PTPRG: variants seen among roughly 807,000 people sequenced by gnomAD.
The protein encoded by PTPRG is protein tyrosine phosphatase receptor type G, also known as receptor-type tyrosine-protein phosphatase gamma.
PTPRG carries 102 observed loss-of-function variants against 165.3 expected under a neutral mutation model. The ratio of observed to expected loss-of-function variants is 0.62; its 90% CI spans 0.53 to 0.73. The LOEUF (loss-of-function observed/expected upper bound fraction) is 0.73. PTPRG is among the 30% of genes least tolerant of loss of function. The pLI, the probability that PTPRG is intolerant of heterozygous loss-of-function variation, is 0.00. For missense variants in PTPRG, 1,866 were observed against 1,861.4 expected, an observed-to-expected ratio of 1.00 and a Z score of -0.05; for synonymous variants, 675 against 669.5, an observed-to-expected ratio of 1.01 and a Z score of -0.13.
chr3:62,054,876 A>G (rs150250890), intron 4 of PTPRG, among the ~76,000 whole-genome samples: 33 of 152,354 alleles, frequency 2.2e-4, no homozygotes, highest in African/African-American at 7.5e-4. Flanking sequence ...TGGACGAGGT[A>G]TAAAGATGAA....
intron 2 of PTPRG, among the ~76,000 whole-genome samples, chr3:61,946,275 A>G (rs924391788): frequency 1.3e-5 from 2 of 152,204 alleles, no homozygotes; most frequent in East Asian, 1.9e-4. Flanking sequence ...TCTGACAGCA[A>G]CTCTACAATT....
intron 1 of PTPRG, among the ~76,000 whole-genome samples, chr3:61,732,117 T>C (rs977498731): frequency 1.3e-5 from 2 of 152,164 alleles, no homozygotes; most frequent in Admixed American, 1.3e-4. Flanking sequence ...ATAGGGACTT[T>C]TAAATTTTGT....
intron 1 of PTPRG, among the ~76,000 whole-genome samples, chr3:61,694,018 A>AG: frequency 6.8e-6 from 1 of 146,548 alleles, no homozygotes; most frequent in East Asian, 2.0e-4. Context: ...CAAAAAAAAA[A>AG]AAAAAAAAGA....
chr3:61,981,705 C>T (rs1435459998), intron 2 of PTPRG, among the ~76,000 whole-genome samples: 2 of 152,126 alleles, frequency 1.3e-5, no homozygotes, highest in Admixed American at 6.5e-5. Context: ...TTGATTCTTC[C>T]AGGTATTACA....
At chr3:62,262,381 C>CT (rs1441213060) in intron 16 of PTPRG, 1 of 153,322 alleles carries the variant, frequency 6.5e-6, no homozygotes, top group African/African-American at 2.4e-5. Flanking sequence ...CCCTTTCTTC[C>CT]TTTAAGACTT....
intron 1 of PTPRG, among the ~76,000 whole-genome samples, chr3:61,581,523 C>G (rs1218336554): frequency 6.6e-6 from 1 of 151,952 alleles, no homozygotes; most frequent in African/African-American, 2.4e-5. Flanking sequence ...GTTTGTGCTT[C>G]TCAGTTTTAG....
At chr3:61,825,993 G>C (rs986101765) in intron 2 of PTPRG, among the ~76,000 whole-genome samples, 3 of 152,140 alleles carry the variant, frequency 2.0e-5, no homozygotes, top group African/African-American at 7.2e-5. Flanking sequence ...AACAATTTTG[G>C]AAGATTCATG....
chr3:62,036,214 G>C (rs1699931179), intron 4 of PTPRG, among the ~76,000 whole-genome samples: 2 of 152,166 alleles, frequency 1.3e-5, no homozygotes, highest in Admixed American at 6.5e-5. Context: ...TGGGGGTTGT[G>C]GGTTACAGCT....
intron 5 of PTPRG, among the ~76,000 whole-genome samples, chr3:62,087,026 A>C (rs1337822546): frequency 6.6e-6 from 1 of 152,232 alleles, no homozygotes; most frequent in Non-Finnish European, 1.5e-5. Context: ...ATTGCACTTC[A>C]AGGACGTTAC....
chr3:61,977,138 C>G (rs969670247), intron 2 of PTPRG, among the ~76,000 whole-genome samples: 4 of 151,984 alleles, frequency 2.6e-5, no homozygotes, highest in African/African-American at 9.7e-5. Flanking sequence ...TGATTATGTG[C>G]TCTATGTATA....
At chr3:61,978,162 G>A (rs2040553063) in intron 2 of PTPRG, among the ~76,000 whole-genome samples, 1 of 152,122 alleles carries the variant, frequency 6.6e-6, no homozygotes, top group African/African-American at 2.4e-5. Context: ...GACATTTAGA[G>A]CTGATTGATT....
At chr3:61,643,075 G>T (rs1215331586) in intron 1 of PTPRG, among the ~76,000 whole-genome samples, 1 of 152,206 alleles carries the variant, frequency 6.6e-6, no homozygotes, top group Non-Finnish European at 1.5e-5. Flanking sequence ...CCAAAGGTCT[G>T]CTTTCTTTAA....
At position 62,226,189 on chromosome 3, in the gene PTPRG, A is replaced by G. The variant is rs963117863; in HGVS notation, c.2289-5036A>G. Among the ~76,000 whole-genome samples, 78 of 152,252 alleles carry G rather than the reference A, an allele frequency of 5.1e-4. 1 individual carries two copies. The highest frequency in any genetic ancestry group is 3.8e-4 in the Non-Finnish European group (26 of 68,048). ...GACTTCATAGCCCACTGGGTTAGCC[A>G]ATACGTTATCTTGTCCAGAGGAGGA... On this transcript the variant is annotated intron_variant, in intron 13 of 29. Transcript: ENST00000474889.
chr3:62,193,363 A>C (rs1190568511), intron 9 of PTPRG, among the ~76,000 whole-genome samples: 1 of 152,266 alleles, frequency 6.6e-6, no homozygotes, highest in Non-Finnish European at 1.5e-5. Flanking sequence ...TTTCAGAGAA[A>C]AAGAGAGATG....
At chr3:62,124,014 G>T (rs113994286) in intron 5 of PTPRG, among the ~76,000 whole-genome samples, 1 of 152,020 alleles carries the variant, frequency 6.6e-6, no homozygotes, top group Non-Finnish European at 1.5e-5. Flanking sequence ...GAATATCACA[G>T]TCCAAGTGAG....
intron 4 of PTPRG, among the ~76,000 whole-genome samples, chr3:62,017,893 C>T (rs1379110146): frequency 2.6e-5 from 4 of 152,104 alleles, no homozygotes; most frequent in Non-Finnish European, 4.4e-5. Flanking sequence ...AAAGGTGTGC[C>T]TTTGGGAATT....
At chr3:61,908,577 A>G (rs2038718208) in intron 2 of PTPRG, among the ~76,000 whole-genome samples, 1 of 152,086 alleles carries the variant, frequency 6.6e-6, no homozygotes, top group Non-Finnish European at 1.5e-5. Context: ...ATCCTGTATA[A>G]TTTAGTGACT....
intron 2 of PTPRG, among the ~76,000 whole-genome samples, chr3:61,974,323 G>A (rs2040450815): frequency 6.6e-6 from 1 of 151,996 alleles, no homozygotes; most frequent in Non-Finnish European, 1.5e-5. Context: ...GGAGGCTGAG[G>A]TGGGCAGATC....
chr3:62,018,659 C>G lies in PTPRG; in HGVS notation c.519+15162C>G, dbSNP rs188557503. Among the ~76,000 whole-genome samples, 68 of 152,320 alleles carry G rather than the reference C, an allele frequency of 4.5e-4. No homozygotes were observed. In the East Asian group the frequency reaches 0.012, roughly 26 times the overall value. On this transcript the variant is annotated intron_variant, in intron 4 of 29. Coordinates refer to ENST00000474889, the MANE Select transcript of PTPRG (RefSeq NM_002841.4). ...AACTACATTGAATACATTAATAAAA[C>G]TCATCAGGTAATGCCCCAGCAGTAG...
Sources: allele counts gnomAD v4.1 joint callset (sites outside exome capture counted in the v4.1 genomes callset), GRCh38; gene constraint gnomAD v4.1.1; transcripts MANE v1.5; gene names NCBI Gene and HGNC (gene_info 2026-07-23, HGNC 2026-07-21).